Variants in SYT16 observed in about 807,000 individuals in gnomAD.
SYT16 encodes the protein synaptotagmin 16, also known as synaptotagmin-16.
A neutral mutation model predicts 61.4 loss-of-function variants in SYT16; 42 were observed. The observed-to-expected ratio is 0.68, with a 90% confidence interval of 0.53 to 0.89. The LOEUF (loss-of-function observed/expected upper bound fraction) is 0.89, where lower values mean the gene tolerates loss of function less well. Ranked by LOEUF, SYT16 falls within the 40% of genes least tolerant of loss-of-function variation. The pLI is 0.00. For missense variants in SYT16, 804 were observed against 807.3 expected, an observed-to-expected ratio of 1.00 and a Z score of 0.05; for synonymous variants, 314 against 302.3, an observed-to-expected ratio of 1.04 and a Z score of -0.40.
intron 1 of SYT16, among the ~76,000 whole-genome samples, chr14:61,872,144 A>G (rs1407924338): frequency 6.6e-6 from 1 of 152,088 alleles, no homozygotes; most frequent in East Asian, 1.9e-4. Context: ...CATTTGCTAT[A>G]TTGTCTTATA....
intron 1 of SYT16, among the ~76,000 whole-genome samples, chr14:61,898,427 C>T (rs1566662379): frequency 6.6e-6 from 1 of 152,184 alleles, no homozygotes; most frequent in African/African-American, 2.4e-5. Flanking sequence ...TAACCCCCTC[C>T]ACCCCATTTG....
chr14:61,887,710 C>T (rs538778011), intron 1 of SYT16, among the ~76,000 whole-genome samples: 55 of 152,358 alleles, frequency 3.6e-4, no homozygotes, highest in African/African-American at 1.3e-3. Context: ...TCCAAGTTTT[C>T]TTCTGCAGCT....
intron 1 of SYT16, among the ~76,000 whole-genome samples, chr14:61,934,789 A>G (rs2049910839): frequency 6.6e-6 from 1 of 152,178 alleles, no homozygotes; most frequent in African/African-American, 2.4e-5. Context: ...TTTCAGATCT[A>G]AAATCCCATT....
chr14:61,966,070 A>G (rs1268369382), intron 1 of SYT16, among the ~76,000 whole-genome samples: 1 of 151,230 alleles, frequency 6.6e-6, no homozygotes, highest in African/African-American at 2.4e-5. Context: ...TTTTGGGAAG[A>G]AAAAAATATT....
chr14:61,936,762 C>T (rs755861550), intron 1 of SYT16, among the ~76,000 whole-genome samples: 1 of 152,126 alleles, frequency 6.6e-6, no homozygotes, highest in Non-Finnish European at 1.5e-5. Flanking sequence ...CTTTGACGCT[C>T]CCAGAGAGAG....
intron 3 of SYT16, among the ~76,000 whole-genome samples, chr14:61,998,283 G>A (rs562434653): frequency 6.6e-6 from 1 of 151,930 alleles, no homozygotes; most frequent in Non-Finnish European, 1.5e-5. Flanking sequence ...CAGTCTTGTA[G>A]CCACCACAAC....
At chr14:61,858,248 C>T (rs2046846494) in intron 1 of SYT16, among the ~76,000 whole-genome samples, 1 of 151,996 alleles carries the variant, frequency 6.6e-6, no homozygotes, top group African/African-American at 2.4e-5. Flanking sequence ...CAATCAGGGC[C>T]TTCCGCATAC....
intron 1 of SYT16, among the ~76,000 whole-genome samples, chr14:61,888,132 T>A (rs1461727154): frequency 1.3e-5 from 2 of 150,634 alleles, no homozygotes; most frequent in Non-Finnish European, 3.0e-5. Flanking sequence ...TTTCTTTTTT[T>A]TTTTTTTTTT....
Position 61,919,730 on chromosome 14 carries a change from G to T in SYT16, c.-324-50402G>T, listed in dbSNP as rs1388639654. On this transcript the variant is annotated intron_variant, in intron 1 of 7. Coordinates refer to ENST00000683842, the MANE Select transcript of SYT16 (RefSeq NM_001367656.1). The stretch of plus-strand genomic sequence containing the variant: ...CTGATTAGCAACCTTAATTCCATCT[G>T]CACTCTTCCCCTTTGCCATGTAACC... Among the ~76,000 whole-genome samples the T allele has an allele frequency of 4.0e-4, 3 of 7,566 alleles. No individual in the cohort carries two copies. In the South Asian group the frequency reaches 0.01, roughly 26 times the overall value. The allele number at this position is 7,566 out of a possible 152,430, so 5.0% of individuals were successfully genotyped here. A position where few individuals can be genotyped will look rare whatever the true frequency, so the allele number is the denominator to read the frequency against.
chr14:61,962,645 T>G (rs2051161199), intron 1 of SYT16, among the ~76,000 whole-genome samples: 1 of 152,158 alleles, frequency 6.6e-6, no homozygotes, highest in South Asian at 2.1e-4. Flanking sequence ...TGCATATATT[T>G]GTTCACCTGA....
chr14:61,841,882 G>A (rs547315702), intron 1 of SYT16, among the ~76,000 whole-genome samples: 1 of 152,074 alleles, frequency 6.6e-6, no homozygotes, highest in East Asian at 1.9e-4. Context: ...TATTCCATGG[G>A]GTATCTATGC....
chr14:61,879,263 G>A (rs1343585947), intron 1 of SYT16, among the ~76,000 whole-genome samples: 1 of 152,174 alleles, frequency 6.6e-6, no homozygotes, highest in African/African-American at 2.4e-5. Context: ...AAACAGAAAA[G>A]TGTGCCTTTT....
intron 3 of SYT16, among the ~76,000 whole-genome samples, chr14:62,022,885 A>G (rs140392640): frequency 4.8e-4 from 73 of 152,166 alleles, no homozygotes; most frequent in African/African-American, 1.8e-3. Flanking sequence ...TAAGTTCTAG[A>G]TTTTCCATTT....
intron 1 of SYT16, among the ~76,000 whole-genome samples, chr14:61,915,313 T>C (rs992840299): frequency 1.3e-5 from 2 of 152,118 alleles, no homozygotes; most frequent in African/African-American, 4.8e-5. Flanking sequence ...AGATTGAATT[T>C]TTTTTAAAAC....
At chr14:62,073,197 T>G (rs2056364482) in intron 4 of SYT16, among the ~76,000 whole-genome samples, 1 of 152,248 alleles carries the variant, frequency 6.6e-6, no homozygotes, top group African/African-American at 2.4e-5. Flanking sequence ...TTTCAAGGCT[T>G]AATGTAGCTT....
rs1181371840 is a variant in SYT16, at chr14:61,886,978, A to G, written c.-325+74168A>G. Among the ~76,000 whole-genome samples the G allele has an allele frequency of 2.2e-5, 3 of 138,492 alleles. No individual in the cohort carries two copies. The South Asian group carries it at 6.5e-4, about 30-fold the overall frequency. 90.9% of individuals were successfully genotyped at this position (138,492 alleles called of 152,430 possible). On this transcript the variant is annotated intron_variant, in intron 1 of 7. Transcript: ENST00000683842. ...GGTCTCGAACTCCTGGGCTCAAGCT[A>G]TCCTCCCGCCTCTTGCCTCCCTGAG...
In SYT16 at chr14:62,111,034, C is replaced by T. The variant is rs1235095556; in HGVS notation, c.*10327C>T. The stretch of plus-strand genomic sequence containing the variant: ...TTAAAAAATCATTTTTAAGGTACAT[C>T]CAAGATTTCATAGCAATATTTTATT... On this transcript the variant is annotated 3_prime_UTR_variant, in exon 8 of 8. Coordinates refer to ENST00000683842, the MANE Select transcript of SYT16 (RefSeq NM_001367656.1). The T allele has an allele frequency of 6.6e-6, 1 of 152,008 alleles. No individual in the cohort carries two copies. The highest frequency in any genetic ancestry group is 1.5e-5 in the Non-Finnish European group (1 of 67,930). 9.4% of individuals were successfully genotyped at this position (152,008 alleles called of 1,614,324 possible). A position where few individuals can be genotyped will look rare whatever the true frequency, so the allele number is the denominator to read the frequency against.
intron 3 of SYT16, among the ~76,000 whole-genome samples, chr14:62,026,386 G>A (rs934177706): frequency 6.6e-6 from 1 of 152,180 alleles, no homozygotes; most frequent in Non-Finnish European, 1.5e-5. Context: ...CAAGGCACTG[G>A]TATCTGGTGT....
chr14:61,864,559 T>C (rs530410455), intron 1 of SYT16, among the ~76,000 whole-genome samples: 1 of 152,352 alleles, frequency 6.6e-6, no homozygotes, highest in South Asian at 2.1e-4. Flanking sequence ...GCCTACCAAG[T>C]GCTGCATGGC....
Sources: gnomAD v4.1 joint callset for allele counts (sites outside exome capture counted in the v4.1 genomes callset) on GRCh38, gnomAD v4.1.1 for gene constraint, MANE v1.5 for transcripts, NCBI Gene and HGNC (gene_info 2026-07-23, HGNC 2026-07-21) for gene names.